Variants in GABRB2 observed in about 807,000 individuals in gnomAD.
GABRB2 encodes the protein gamma-aminobutyric acid receptor subunit beta-2.
A neutral mutation model predicts 54.7 loss-of-function variants in GABRB2; 16 were observed. The ratio of observed to expected loss-of-function variants is 0.29; its 90% CI spans 0.20 to 0.44. The LOEUF (loss-of-function observed/expected upper bound fraction) is 0.44, where lower values mean the gene tolerates loss of function less well. GABRB2 is among the 20% of genes least tolerant of loss of function. The probability of loss-of-function intolerance (pLI) is 1.00; values close to 1 mark genes in which losing one functional copy is unlikely to be tolerated. For missense variants in GABRB2, 355 were observed against 644.0 expected (o/e 0.55, Z 4.86); for synonymous variants, 244 against 233.8 (o/e 1.04, Z -0.40).
intron 3 of GABRB2, among the ~76,000 whole-genome samples, chr5:161,543,097 C>G (rs1200941417): frequency 6.6e-6 from 1 of 152,206 alleles, no homozygotes; most frequent in Admixed American, 6.5e-5. Flanking sequence ...AGGAATCTGG[C>G]TTGGAATTTT....
At chr5:161,539,454 T>G (rs1040126857) in intron 3 of GABRB2, among the ~76,000 whole-genome samples, 5 of 152,166 alleles carry the variant, frequency 3.3e-5, no homozygotes, top group Non-Finnish European at 7.3e-5. Flanking sequence ...CTCATGATTT[T>G]CTAGATTTTC....
At chr5:161,350,180 A>T (rs1231599072) in intron 5 of GABRB2, among the ~76,000 whole-genome samples, 1 of 152,114 alleles carries the variant, frequency 6.6e-6, no homozygotes, top group African/African-American at 2.4e-5. Context: ...TGTCCCTTCT[A>T]TTCAACTGGA....
chr5:161,490,900 G>A (rs542891606), intron 3 of GABRB2, among the ~76,000 whole-genome samples: 22 of 151,744 alleles, frequency 1.4e-4, no homozygotes, highest in South Asian at 2.1e-4. Flanking sequence ...CCAAATAACC[G>A]TCAGGTTAAT....
chr5:161,312,043 T>C (rs533472412), intron 9 of GABRB2, among the ~76,000 whole-genome samples: 94 of 151,058 alleles, frequency 6.2e-4, no homozygotes, highest in South Asian at 2.1e-4. Context: ...TGTGTGTGTG[T>C]GCTCCCCTTT....
chr5:161,546,123 G>T (rs1440626923), intron 2 of GABRB2, among the ~76,000 whole-genome samples, 199 bp downstream of exon 2: 2 of 152,216 alleles, frequency 1.3e-5, no homozygotes, highest in Non-Finnish European at 2.9e-5. Flanking sequence ...CACACTAAGA[G>T]GGTCTCATTG....
At chr5:161,314,424 G>C (rs1343287446) in intron 9 of GABRB2, among the ~76,000 whole-genome samples, 1 of 152,122 alleles carries the variant, frequency 6.6e-6, no homozygotes, top group Non-Finnish European at 1.5e-5. Flanking sequence ...GATTATGTCA[G>C]GTCCATTTTT....
At chr5:161,404,247 C>A (rs1276474747) in intron 5 of GABRB2, among the ~76,000 whole-genome samples, 1 of 152,134 alleles carries the variant, frequency 6.6e-6, no homozygotes. Context: ...AAATTCCTCA[C>A]TTCCACAACA....
chr5:161,383,821 G>A (rs924127556), intron 5 of GABRB2, among the ~76,000 whole-genome samples: 1 of 152,204 alleles, frequency 6.6e-6, no homozygotes, highest in Admixed American at 6.5e-5. Flanking sequence ...GAATGACGCT[G>A]AACATGTAGT....
At chr5:161,408,246 G>T (rs1756402736) in intron 5 of GABRB2, among the ~76,000 whole-genome samples, 1 of 152,010 alleles carries the variant, frequency 6.6e-6, no homozygotes, top group African/African-American at 2.4e-5. Context: ...AGGCTCAACT[G>T]CTAAGTATGG....
At chr5:161,481,252 C>T (rs1167686915) in intron 3 of GABRB2, among the ~76,000 whole-genome samples, 1 of 151,898 alleles carries the variant, frequency 6.6e-6, no homozygotes, top group East Asian at 1.9e-4. Flanking sequence ...GTGAAGAAGC[C>T]AACTGGCAGA....
chr5:161,393,716 C>CCA (rs1354559127), intron 5 of GABRB2, among the ~76,000 whole-genome samples: 3 of 151,974 alleles, frequency 2.0e-5, no homozygotes, highest in African/African-American at 7.2e-5. Flanking sequence ...CCTAATAATT[C>CCA]TCAGTGTATA....
At chr5:161,502,998 A>G (rs1317202137) in intron 3 of GABRB2, among the ~76,000 whole-genome samples, 1 of 152,206 alleles carries the variant, frequency 6.6e-6, no homozygotes. Flanking sequence ...ATTTGCAGAC[A>G]CTGGACTTCC....
chr5:161,477,284 C>CAA (rs70990786), intron 3 of GABRB2, among the ~76,000 whole-genome samples: 1 of 127,848 alleles, frequency 7.8e-6, no homozygotes, highest in African/African-American at 2.9e-5. Flanking sequence ...CAAACAAAAG[C>CAA]AAAAAAAAAA....
intron 4 of GABRB2, among the ~76,000 whole-genome samples, chr5:161,442,608 A>G (rs1436160132): frequency 6.6e-6 from 1 of 152,194 alleles, no homozygotes; most frequent in Non-Finnish European, 1.5e-5. Flanking sequence ...AATGCTGAGC[A>G]GCACTGTCCT....
intron 3 of GABRB2, among the ~76,000 whole-genome samples, chr5:161,527,084 T>C (rs1454821289): frequency 1.3e-5 from 2 of 151,564 alleles, no homozygotes; most frequent in Admixed American, 6.6e-5. Context: ...TAATAAGATA[T>C]CTGTCTTACA....
intron 5 of GABRB2, among the ~76,000 whole-genome samples, chr5:161,338,813 A>C (rs763461868): frequency 1.3e-5 from 2 of 152,056 alleles, no homozygotes; most frequent in African/African-American, 2.4e-5. Context: ...AATACATAAA[A>C]GTAAATTTCA....
intron 5 of GABRB2, among the ~76,000 whole-genome samples, chr5:161,389,525 A>G (rs1214988650): frequency 6.6e-6 from 1 of 151,628 alleles, no homozygotes; most frequent in East Asian, 1.9e-4. Context: ...ATATAAAAAC[A>G]TATAAAATGT....
intron 3 of GABRB2, among the ~76,000 whole-genome samples, chr5:161,506,003 C>G (rs375468657): frequency 6.6e-6 from 1 of 151,908 alleles, no homozygotes; most frequent in African/African-American, 2.4e-5. Flanking sequence ...AGATGTAAGA[C>G]TGTCTTTTTT....
At chr5:161,307,342 C>A (rs144217672) in intron 9 of GABRB2, among the ~76,000 whole-genome samples, 1 of 152,090 alleles carries the variant, frequency 6.6e-6, no homozygotes, top group African/African-American at 2.4e-5. Context: ...GTGGTCACTG[C>A]GAGGGCAAGG....
Sources: allele counts gnomAD v4.1 joint callset (sites outside exome capture counted in the v4.1 genomes callset), GRCh38; gene constraint gnomAD v4.1.1; transcripts MANE v1.5; gene names NCBI Gene and HGNC (gene_info 2026-07-23, HGNC 2026-07-21).